The following TAFA5 variants were observed in gnomAD, a reference collection of about 807,000 sequenced individuals.
TAFA5 encodes chemokine-like protein TAFA-5.
In TAFA5, 6 loss-of-function variants were observed where a neutral mutation model predicts 15.3. That is an observed-to-expected ratio of 0.39 (90% CI 0.21 to 0.77). The LOEUF (loss-of-function observed/expected upper bound fraction) is 0.77. Ranked by LOEUF, TAFA5 falls within the 30% of genes least tolerant of loss-of-function variation. TAFA5 has a pLI of 0.41. For synonymous variants in TAFA5, 103 were observed against 80.7 expected (o/e 1.28, Z -1.48); for missense variants, 161 against 193.1 (o/e 0.83, Z 0.98).
intron 1 of TAFA5, among the ~76,000 whole-genome samples, chr22:48,531,998 C>A (rs1463342199): frequency 1.3e-5 from 2 of 152,236 alleles, no homozygotes; most frequent in South Asian, 4.1e-4. Context: ...TGCAGCTGAG[C>A]TCCCGTTTCC....
intron 1 of TAFA5, among the ~76,000 whole-genome samples, chr22:48,538,612 G>A (rs771343394): frequency 1.3e-5 from 2 of 152,192 alleles, no homozygotes; most frequent in African/African-American, 2.4e-5. Context: ...TGGGTCTGCC[G>A]TGCTCTCTGC....
At chr22:48,707,623 C>T in intron 2 of TAFA5, 94 bp from the exon 3 acceptor site, 1 of 1,461,750 alleles carries the variant, frequency 6.8e-7, no homozygotes, top group East Asian at 2.4e-5. Flanking sequence ...GCCTGAGGGC[C>T]CCCCCAGCCA....
intron 1 of TAFA5, among the ~76,000 whole-genome samples, chr22:48,641,977 G>A (rs1390591159): frequency 6.6e-6 from 1 of 152,158 alleles, no homozygotes; most frequent in East Asian, 1.9e-4. Flanking sequence ...AAAGGCCGGC[G>A]CCGTGGGTAG....
At chr22:48,504,643 C>G (rs1348328681) in intron 1 of TAFA5, among the ~76,000 whole-genome samples, 2 of 152,200 alleles carry the variant, frequency 1.3e-5, no homozygotes, top group Non-Finnish European at 2.9e-5. Flanking sequence ...GAGGGGGCTC[C>G]CTGTTTGGGG....
At chr22:48,727,783 A>G (rs1372998490) in intron 3 of TAFA5, among the ~76,000 whole-genome samples, 1 of 152,264 alleles carries the variant, frequency 6.6e-6, no homozygotes, top group Non-Finnish European at 1.5e-5. Flanking sequence ...AAGGAAATTG[A>G]GAGGTAAAAC....
At chr22:48,597,914 G>C (rs1016892021) in intron 1 of TAFA5, among the ~76,000 whole-genome samples, 9 of 152,246 alleles carry the variant, frequency 5.9e-5, no homozygotes, top group African/African-American at 2.2e-4. Context: ...ATTATGACTT[G>C]AGCGTGACGC....
At chr22:48,746,743 T>C (rs1016150984) in intron 3 of TAFA5, among the ~76,000 whole-genome samples, 1 of 152,104 alleles carries the variant, frequency 6.6e-6, no homozygotes, top group Non-Finnish European at 1.5e-5. Context: ...AGTCCAGCCT[T>C]GTTACAGGAC....
intron 3 of TAFA5, among the ~76,000 whole-genome samples, chr22:48,721,141 T>A (rs1929557501): frequency 6.7e-6 from 1 of 149,480 alleles, no homozygotes; most frequent in African/African-American, 2.5e-5. Context: ...TGCTGGACTT[T>A]CAAATGGCCC....
chr22:48,721,046 G>A (rs1929554220), intron 3 of TAFA5, among the ~76,000 whole-genome samples: 1 of 152,208 alleles, frequency 6.6e-6, no homozygotes, highest in Admixed American at 6.5e-5. Context: ...CCCCTGCTGG[G>A]CCAGGCTCCC....
intron 2 of TAFA5, among the ~76,000 whole-genome samples, chr22:48,657,527 A>G (rs4244606): frequency 0.65 from 98,347 of 152,112 alleles, 32,586 homozygotes; most frequent in South Asian, 0.77. Flanking sequence ...AACTCACTCT[A>G]TGAGGTTGGT....
At chr22:48,740,720 GC>G (rs1241120300) in intron 3 of TAFA5, among the ~76,000 whole-genome samples, 1 of 152,196 alleles carries the variant, frequency 6.6e-6, no homozygotes, top group Non-Finnish European at 1.5e-5. Context: ...CGAGAGCCCA[GC>G]CCTGGTGTTG....
intron 1 of TAFA5, among the ~76,000 whole-genome samples, chr22:48,616,853 G>C (rs879840590): frequency 6.6e-6 from 1 of 152,218 alleles, no homozygotes; most frequent in Admixed American, 6.5e-5. Flanking sequence ...GACCCCTAGG[G>C]GTTTGGTGGG....
chr22:48,739,182 C>T (rs989494413), intron 3 of TAFA5, among the ~76,000 whole-genome samples: 29 of 152,102 alleles, frequency 1.9e-4, no homozygotes, highest in Non-Finnish European at 4.0e-4. Flanking sequence ...TTCTCAAAGA[C>T]CCAAAGATAG....
At chr22:48,658,943 C>T (rs2147212451) in intron 2 of TAFA5, among the ~76,000 whole-genome samples, 1 of 152,286 alleles carries the variant, frequency 6.6e-6, no homozygotes, top group South Asian at 2.1e-4. Flanking sequence ...ACTGCAGCGT[C>T]CAAAGAGGTC....
Position 48,502,450 on chromosome 22 carries a change from TG to T in TAFA5, c.112+12747del, listed in dbSNP as rs1263088806. ...TCTTAGGCTTTTGCAGCAGTTACAG[TG>T]TTAATGGCTCCAAGACTTCTAATGT... On this transcript the variant is annotated intron_variant, in intron 1 of 3. Coordinates refer to ENST00000402357, the MANE Select transcript of TAFA5 (RefSeq NM_001082967.3). 7.9e-5 allele frequency among the ~76,000 whole-genome samples: 12 copies of T among 152,158 alleles called. No homozygotes were observed. The East Asian group carries it at 1.5e-3, about 20-fold the overall frequency.
At chr22:48,664,786 C>T (rs545356587) in intron 2 of TAFA5, among the ~76,000 whole-genome samples, 1 of 152,290 alleles carries the variant, frequency 6.6e-6, no homozygotes, top group East Asian at 1.9e-4. Context: ...CAATCTGATA[C>T]TCTCATTGCT....
intron 1 of TAFA5, among the ~76,000 whole-genome samples, chr22:48,626,813 A>C (rs997275827): frequency 1.3e-5 from 2 of 152,182 alleles, no homozygotes; most frequent in African/African-American, 4.8e-5. Flanking sequence ...CAAGTTTCAT[A>C]TTATTGTGTT....
intron 1 of TAFA5, among the ~76,000 whole-genome samples, chr22:48,512,372 G>A (rs1001300183): frequency 5.9e-5 from 9 of 151,938 alleles, no homozygotes; most frequent in Non-Finnish European, 1.3e-4. Flanking sequence ...TTTGGGAGGC[G>A]ACGGTGGGCA....
chr22:48,664,963 T>G (rs533842529), intron 2 of TAFA5, among the ~76,000 whole-genome samples: 2 of 152,160 alleles, frequency 1.3e-5, no homozygotes, highest in Admixed American at 1.3e-4. Flanking sequence ...CGCCTTGGAG[T>G]GGCAGGGCTG....
Sources: allele counts gnomAD v4.1 joint callset (sites outside exome capture counted in the v4.1 genomes callset), GRCh38; gene constraint gnomAD v4.1.1; transcripts MANE v1.5; gene names NCBI Gene and HGNC (gene_info 2026-07-23, HGNC 2026-07-21).